The following CELSR1 variants were observed in gnomAD, a reference collection of about 807,000 sequenced individuals.
CELSR1 encodes the protein cadherin EGF LAG seven-pass G-type receptor 1, also known as adhesion G protein-coupled receptor C1.
In CELSR1, 110 loss-of-function variants were observed where a neutral mutation model predicts 249.1. The ratio of observed to expected loss-of-function variants is 0.44; its 90% CI spans 0.38 to 0.52. CELSR1 has a LOEUF of 0.52. Ranked by LOEUF, CELSR1 falls within the 20% of genes least tolerant of loss-of-function variation. The pLI, the probability that CELSR1 is intolerant of heterozygous loss-of-function variation, is 0.00. For missense variants in CELSR1, 4,109 were observed against 4,296.4 expected (o/e 0.96, Z 1.22); for synonymous variants, 2,113 against 1,900.0 (o/e 1.11, Z -2.92).
intron 18 of CELSR1, among the ~76,000 whole-genome samples, chr22:46,388,270 A>T (rs1602061879): frequency 6.6e-6 from 1 of 151,638 alleles, no homozygotes. Context: ...AATTGCTTGA[A>T]CCCGGGAGGT....
intron 5 of CELSR1, among the ~76,000 whole-genome samples, chr22:46,416,666 C>T (rs2079405783): frequency 6.6e-6 from 1 of 152,224 alleles, no homozygotes; most frequent in South Asian, 2.1e-4. Flanking sequence ...CCGCTGAGCA[C>T]TGCAAGGAGT....
chr22:46,536,730 G>C lies in CELSR1; in HGVS notation c.441C>G (p.Leu147=). The change falls in exon 1 of 35, where the codon CTC becomes CTG. Residue 147 remains leucine (L), a synonymous_variant. Coordinates refer to ENST00000674500, the MANE Select transcript of CELSR1 (RefSeq NM_001378328.1). ...GGCAAAQHSA[L]AAPTTLPACR... is the part of the protein sequence containing the mutation. ...AGGCGGGTAAGGTGGTCGGAGCTGC[G>C]AGCGCCGAATGCTGCGCGGCCGCGC... The C allele has an allele frequency of 1.7e-6, 2 of 1,180,756 alleles. No homozygotes were observed. The highest frequency in any genetic ancestry group is 2.1e-6 in the Non-Finnish European group (2 of 956,430). 73.1% of individuals were successfully genotyped at this position (1,180,756 alleles called of 1,614,324 possible).
intron 25 of CELSR1, 93 bp downstream of exon 25, chr22:46,372,790 G>A: frequency 6.9e-7 from 1 of 1,452,970 alleles, no homozygotes; most frequent in Non-Finnish European, 9.3e-7. Flanking sequence ...CATTGGGGCT[G>A]GGCAGGGAAG....
chr22:46,524,458 C>G (rs1031935245), intron 1 of CELSR1, among the ~76,000 whole-genome samples: 1 of 152,040 alleles, frequency 6.6e-6, no homozygotes, highest in Non-Finnish European at 1.5e-5. Context: ...CTGGAAGGGG[C>G]GAAGTCGGTG....
intron 1 of CELSR1, among the ~76,000 whole-genome samples, chr22:46,513,357 C>A (rs1036480232): frequency 6.6e-6 from 1 of 152,146 alleles, no homozygotes; most frequent in Non-Finnish European, 1.5e-5. Context: ...AAAGCATTCC[C>A]CACGTGGGGT....
intron 1 of CELSR1, among the ~76,000 whole-genome samples, chr22:46,503,898 G>A (rs1414470191): frequency 2.0e-5 from 3 of 152,082 alleles, no homozygotes; most frequent in African/African-American, 7.2e-5. Context: ...GCCAGGTGTG[G>A]CGATGTGCAT....
intron 1 of CELSR1, among the ~76,000 whole-genome samples, chr22:46,469,965 A>G (rs1602181572): frequency 6.0e-3 from 6 of 1,000 alleles, no homozygotes; most frequent in South Asian, 0.038. Flanking sequence ...TTGTGGAAGA[A>G]AGGGAGGGAG....
chr22:46,527,128 C>T lies in CELSR1; in HGVS notation c.3544+6499G>A, dbSNP rs535555387. On this transcript the variant is annotated intron_variant, in intron 1 of 34. Coordinates refer to ENST00000674500, the MANE Select transcript of CELSR1 (RefSeq NM_001378328.1). The surrounding 1 kb of genome is among the most constrained non-coding windows in gnomAD (Gnocchi z 5.5). Reference sequence around the variant, plus strand: ...CTCATCTCTAGGATGGAGGTGGCGACGGTACTTTCCATACCACAGTGTGGC... The same window carrying T: ...CTCATCTCTAGGATGGAGGTGGCGATGGTACTTTCCATACCACAGTGTGGC... Among the ~76,000 whole-genome samples the T allele has an allele frequency of 1.2e-3, 183 of 152,286 alleles. 1 individual carries two copies. In the South Asian group the frequency reaches 0.018, roughly 15 times the overall value.
chr22:46,471,913 G>A lies in CELSR1; in HGVS notation c.3545-7568C>T, dbSNP rs1274352272. Among the ~76,000 whole-genome samples, 1 of 152,108 alleles carries A rather than the reference G, an allele frequency of 6.6e-6. No individual in the cohort carries two copies. Among genetic ancestry groups the A allele is most frequent in the Non-Finnish European group, 1.5e-5 (1 of 68,036 alleles). On this transcript the variant is annotated intron_variant, in intron 1 of 34. Transcript: ENST00000674500. This position sits in a 1 kb window ranked among gnomAD's most constrained non-coding sequence, Gnocchi z 4.9. Reference sequence around the variant, plus strand: ...CGGTCTGTGGCCTTCAGGTGATGACGACTTTCTGCCTCACGCTGTCCCCCG... The same window carrying A: ...CGGTCTGTGGCCTTCAGGTGATGACAACTTTCTGCCTCACGCTGTCCCCCG...
Position 46,472,167 on chromosome 22 carries a change from C to T in CELSR1, c.3545-7822G>A, listed in dbSNP as rs6008859. Among the ~76,000 whole-genome samples the T allele has an allele frequency of 0.047, 7,183 of 152,246 alleles. 397 individuals carry two copies. Among genetic ancestry groups the T allele is most frequent in the African/African-American group, 0.13 (5,571 of 41,520 alleles). ...AGACATGGGAAGGAGACAGAGCAGA[C>T]GGCAGAGCGCGAGGCTGCGGGGCCC... On this transcript the variant is annotated intron_variant, in intron 1 of 34. Coordinates refer to ENST00000674500, the MANE Select transcript of CELSR1 (RefSeq NM_001378328.1). The surrounding 1 kb of genome is among the most constrained non-coding windows in gnomAD (Gnocchi z 7.0).
chr22:46,444,764 G>A (rs2079798359), intron 2 of CELSR1, among the ~76,000 whole-genome samples: 1 of 152,140 alleles, frequency 6.6e-6, no homozygotes, highest in Admixed American at 6.5e-5. Flanking sequence ...GTATCAGCAG[G>A]GCCCAGCTCC....
intron 1 of CELSR1, among the ~76,000 whole-genome samples, chr22:46,495,800 A>G (rs531470188): frequency 6.6e-6 from 1 of 152,258 alleles, no homozygotes; most frequent in South Asian, 2.1e-4. Flanking sequence ...GGGCAACAAG[A>G]GCGAAACTCC....
intron 2 of CELSR1, among the ~76,000 whole-genome samples, chr22:46,442,706 CA>C (rs1416452541): frequency 1.3e-5 from 2 of 152,230 alleles, no homozygotes; most frequent in Non-Finnish European, 2.9e-5. Context: ...TAACAATCAT[CA>C]GAGGTAAATG....
rs2147413880 is a variant in CELSR1, at chr22:46,429,246, G to T, written c.4611+4147C>A. Among the ~76,000 whole-genome samples, 1 of 152,208 alleles carries T rather than the reference G, an allele frequency of 6.6e-6. No homozygotes were observed. Among genetic ancestry groups the T allele is most frequent in the African/African-American group, 2.4e-5 (1 of 41,520 alleles). ...CAGCAAACACTTAAGCATAATGAGG[G>T]CAAAACCGATTCTCAAGTGGGGAGA... On this transcript the variant is annotated intron_variant, in intron 5 of 34. Transcript: ENST00000674500. This position sits in a 1 kb window ranked among gnomAD's most constrained non-coding sequence, Gnocchi z 4.1.
At position 46,427,927 on chromosome 22, in the gene CELSR1, G is replaced by A. The variant is rs555987774; in HGVS notation, c.4611+5466C>T. Reference sequence around the variant, plus strand: ...GAGTTTTTAGAACATGTGCAGAAACGGAGAAGCTCCCCCGACCCCAGGGGT... The same window carrying A: ...GAGTTTTTAGAACATGTGCAGAAACAGAGAAGCTCCCCCGACCCCAGGGGT... On this transcript the variant is annotated intron_variant, in intron 5 of 34. Coordinates refer to ENST00000674500, the MANE Select transcript of CELSR1 (RefSeq NM_001378328.1). The surrounding 1 kb of genome is among the most constrained non-coding windows in gnomAD (Gnocchi z 4.2). 6.6e-5 allele frequency among the ~76,000 whole-genome samples: 10 copies of A among 152,252 alleles called. No individual in the cohort carries two copies. The East Asian group carries it at 1.4e-3, about 21-fold the overall frequency.
chr22:46,490,129 C>A lies in CELSR1; in HGVS notation c.3545-25784G>T, dbSNP rs1343423572. Reference sequence around the variant, plus strand: ...TCCCAAGTGCAAAGTGTACACATGTCGACATGGCACTTCTACCTGGAGTGC... The same window carrying A: ...TCCCAAGTGCAAAGTGTACACATGTAGACATGGCACTTCTACCTGGAGTGC... On this transcript the variant is annotated intron_variant, in intron 1 of 34. Coordinates refer to ENST00000674500, the MANE Select transcript of CELSR1 (RefSeq NM_001378328.1). The surrounding 1 kb of genome is among the most constrained non-coding windows in gnomAD (Gnocchi z 5.2). 6.6e-6 allele frequency among the ~76,000 whole-genome samples: 1 copy of A among 152,106 alleles called. No homozygotes were observed. Among genetic ancestry groups the A allele is most frequent in the Non-Finnish European group, 1.5e-5 (1 of 68,018 alleles).
At position 46,406,960 on chromosome 22, in the gene CELSR1, C is replaced by T. The variant is rs1296842594; in HGVS notation, c.5226+2036G>A. On this transcript the variant is annotated intron_variant, in intron 9 of 34. Transcript: ENST00000674500. This position sits in a 1 kb window ranked among gnomAD's most constrained non-coding sequence, Gnocchi z 5.4. ...CACACAGCTGATGGCGGAGGACACG[C>T]AGCCCAGACGCCGCTTTGGGAGGGA... Among the ~76,000 whole-genome samples the T allele has an allele frequency of 6.6e-6, 1 of 152,238 alleles. No homozygotes were observed. The highest frequency in any genetic ancestry group is 1.5e-5 in the Non-Finnish European group (1 of 68,042).
chr22:46,407,655 C>CA lies in CELSR1; in HGVS notation c.5226+1340dup, dbSNP rs1335674225. 1.3e-5 allele frequency among the ~76,000 whole-genome samples: 2 copies of CA among 151,486 alleles called. No individual in the cohort carries two copies. Among genetic ancestry groups the CA allele is most frequent in the Non-Finnish European group, 1.5e-5 (1 of 67,838 alleles). On this transcript the variant is annotated intron_variant, in intron 9 of 34. Transcript: ENST00000674500. This position sits in a 1 kb window ranked among gnomAD's most constrained non-coding sequence, Gnocchi z 4.8. ...CTCAAAAAAACAAAACAAAACAAAA[C>CA]AAAAAAAACCTAGGATGAAGGAAGG... is the stretch of plus-strand genomic sequence containing the variant.
intron 5 of CELSR1, among the ~76,000 whole-genome samples, chr22:46,432,386 G>A (rs1313681241): frequency 6.6e-6 from 1 of 152,208 alleles, no homozygotes; most frequent in Non-Finnish European, 1.5e-5. Context: ...TTCTCCTGGA[G>A]GACAGAGGAG....
Sources: gnomAD v4.1 joint callset for allele counts (sites outside exome capture counted in the v4.1 genomes callset) on GRCh38, gnomAD v4.1.1 for gene constraint, Gnocchi (gnomAD v3.1) non-coding constraint, MANE v1.5 for transcripts, NCBI Gene and HGNC (gene_info 2026-07-23, HGNC 2026-07-21) for gene names.